KIAA0319L: variants seen among roughly 807,000 people sequenced by gnomAD.
The protein encoded by KIAA0319L is dyslexia-associated protein KIAA0319-like protein.
In KIAA0319L, 55 loss-of-function variants were observed where a neutral mutation model predicts 120.1. The ratio of observed to expected loss-of-function variants is 0.46; its 90% CI spans 0.37 to 0.57. The LOEUF (loss-of-function observed/expected upper bound fraction) is 0.57, where lower values mean the gene tolerates loss of function less well. Ranked by LOEUF, KIAA0319L falls within the 20% of genes least tolerant of loss-of-function variation. The pLI is 0.00. For missense variants in KIAA0319L, 1,049 were observed against 1,255.3 expected, an observed-to-expected ratio of 0.84 and a Z score of 2.48; for synonymous variants, 398 against 471.9, an observed-to-expected ratio of 0.84 and a Z score of 2.03.
Position 35,453,424 on chromosome 1 carries a change from T to C in KIAA0319L, c.1913+133A>G. On this transcript the variant is annotated intron_variant, in intron 12 of 20. Transcript: ENST00000325722. This position sits in a 1 kb window ranked among gnomAD's most constrained non-coding sequence, Gnocchi z 4.1. ...TTTTCTTGGAGTTGAAGTTTGGAATTGCAAACATTTCTTCCTCAGTCACCC... is the reference window on the plus strand; with the variant it reads ...TTTTCTTGGAGTTGAAGTTTGGAATCGCAAACATTTCTTCCTCAGTCACCC... 2.7e-6 allele frequency: 2 copies of C among 741,878 alleles called. No homozygotes were observed. Among genetic ancestry groups the C allele is most frequent in the Non-Finnish European group, 4.4e-6 (2 of 454,110 alleles). The allele number at this position is 741,878 out of a possible 1,614,324, so 46.0% of individuals were successfully genotyped here. A position where few individuals can be genotyped will look rare whatever the true frequency, so the allele number is the denominator to read the frequency against.
At chr1:35,537,280 T>C (rs1327984186) in intron 2 of KIAA0319L, among the ~76,000 whole-genome samples, 1 of 152,132 alleles carries the variant, frequency 6.6e-6, no homozygotes, top group African/African-American at 2.4e-5. Context: ...GCTGATAAAT[T>C]ATTTGCATTC....
rs763109883 is a variant in KIAA0319L, at chr1:35,453,929, T to C, written c.1781-240A>G. ...TGAAGTTATAATGCCATACTAAACT[T>C]GAACTCTAATGCTAAGGGAGTTCAA... On this transcript the variant is annotated intron_variant, in intron 11 of 20. Coordinates refer to ENST00000325722, the MANE Select transcript of KIAA0319L (RefSeq NM_024874.5). This position sits in a 1 kb window ranked among gnomAD's most constrained non-coding sequence, Gnocchi z 4.1. 6.6e-6 allele frequency among the ~76,000 whole-genome samples: 1 copy of C among 152,200 alleles called. No individual in the cohort carries two copies. Among genetic ancestry groups the C allele is most frequent in the Non-Finnish European group, 1.5e-5 (1 of 68,038 alleles).
chr1:35,470,795 T>A (rs571413082), intron 6 of KIAA0319L, 68 bp downstream of exon 6: 1 of 944,810 alleles, frequency 1.1e-6, no homozygotes. Flanking sequence ...GAAAATTATA[T>A]GATATTCATT....
At chr1:35,462,736 A>C (rs762144398) in intron 7 of KIAA0319L, 23 bp from the exon 8 acceptor site, 3 of 1,578,074 alleles carry the variant, frequency 1.9e-6, no homozygotes, top group South Asian at 2.2e-5. Flanking sequence ...GACCCAAAAG[A>C]AATTGGGAAA....
At chr1:35,498,965 G>A (rs1483147345) in intron 3 of KIAA0319L, among the ~76,000 whole-genome samples, 1 of 152,204 alleles carries the variant, frequency 6.6e-6, no homozygotes, top group Non-Finnish European at 1.5e-5. Flanking sequence ...CATTAGTGGG[G>A]TCTAATGACA....
chr1:35,545,712 T>C (rs1031906878), intron 2 of KIAA0319L, among the ~76,000 whole-genome samples: 1 of 152,040 alleles, frequency 6.6e-6, no homozygotes, highest in Admixed American at 6.6e-5. Context: ...CTGGCCAACA[T>C]GGTGAAACCC....
At chr1:35,467,323 CCCT>C (rs1227202618) in intron 6 of KIAA0319L, among the ~76,000 whole-genome samples, 1 of 151,754 alleles carries the variant, frequency 6.6e-6, no homozygotes, top group Non-Finnish European at 1.5e-5. Flanking sequence ...GAATATTTTT[CCCT>C]CCTGATTTTT....
At chr1:35,543,388 G>T (rs1646864554) in intron 2 of KIAA0319L, among the ~76,000 whole-genome samples, 1 of 152,158 alleles carries the variant, frequency 6.6e-6, no homozygotes, top group Non-Finnish European at 1.5e-5. Context: ...AATTTGGCAG[G>T]AGAAAGTTCC....
At chr1:35,459,407 C>T (rs1185692120) in intron 9 of KIAA0319L, among the ~76,000 whole-genome samples, 1 of 151,914 alleles carries the variant, frequency 6.6e-6, no homozygotes, top group Non-Finnish European at 1.5e-5. Context: ...GAGATCAAGA[C>T]CATCCTGGCT....
chr1:35,530,888 C>T (rs1166030050), intron 2 of KIAA0319L, among the ~76,000 whole-genome samples: 1 of 152,224 alleles, frequency 6.6e-6, no homozygotes. Context: ...GTGATTTTCT[C>T]AGTGGCTTAG....
intron 7 of KIAA0319L, among the ~76,000 whole-genome samples, chr1:35,465,211 C>T (rs929844331): frequency 6.6e-6 from 1 of 152,224 alleles, no homozygotes; most frequent in Non-Finnish European, 1.5e-5. Context: ...GGAAAAGCCG[C>T]AGACACTCAA....
At chr1:35,443,620 C>T (rs1414573947) in intron 17 of KIAA0319L, among the ~76,000 whole-genome samples, 4 of 152,016 alleles carry the variant, frequency 2.6e-5, no homozygotes, top group African/African-American at 9.7e-5. Flanking sequence ...TTGCAGTGAG[C>T]TGAGATTACA....
chr1:35,479,287 G>C, intron 3 of KIAA0319L, 75 bp from the exon 4 acceptor site: 1 of 1,231,692 alleles, frequency 8.1e-7, no homozygotes, highest in Admixed American at 2.1e-5. Context: ...TGAAACAATA[G>C]TCTATTAAAT....
Position 35,492,718 on chromosome 1 carries a change from C to T in KIAA0319L, c.667-13506G>A, listed in dbSNP as rs79215977. On this transcript the variant is annotated intron_variant, in intron 3 of 20. Transcript: ENST00000325722. ...AATTATTCCTGATAAAAACTCACAT[C>T]AAACTAGGAATAGAAAAATTCCCTA... Among the ~76,000 whole-genome samples, 436 of 152,132 alleles carry T rather than the reference C, an allele frequency of 2.9e-3. 2 individuals are homozygous for T. Among genetic ancestry groups the T allele is most frequent in the African/African-American group, 9.7e-3 (402 of 41,516 alleles).
At chr1:35,495,920 A>C (rs888353052) in intron 3 of KIAA0319L, among the ~76,000 whole-genome samples, 1 of 152,070 alleles carries the variant, frequency 6.6e-6, no homozygotes, top group Non-Finnish European at 1.5e-5. Flanking sequence ...ATTCAACATC[A>C]TTAGTCATTA....
intron 2 of KIAA0319L, among the ~76,000 whole-genome samples, chr1:35,545,240 C>A (rs1264526117): frequency 6.6e-6 from 1 of 152,120 alleles, no homozygotes; most frequent in African/African-American, 2.4e-5. Context: ...GAGGAGCATG[C>A]TGGAACTCTG....
At chr1:35,448,150 C>T (rs1219980087) in intron 16 of KIAA0319L, 23 bp downstream of exon 16, 2 of 1,558,176 alleles carry the variant, frequency 1.3e-6, no homozygotes, top group African/African-American at 2.7e-5. Flanking sequence ...TTCCTTTGCT[C>T]CCCCCATTCA....
chr1:35,539,240 A>G (rs1646701978), intron 2 of KIAA0319L, among the ~76,000 whole-genome samples: 1 of 152,190 alleles, frequency 6.6e-6, no homozygotes, highest in Non-Finnish European at 1.5e-5. Context: ...AAACAGCTCA[A>G]TCAAAACAGC....
intron 2 of KIAA0319L, among the ~76,000 whole-genome samples, chr1:35,537,583 T>G (rs1157538598): frequency 7.0e-6 from 1 of 141,886 alleles, no homozygotes; most frequent in Non-Finnish European, 1.5e-5. Flanking sequence ...CCATTGAAAC[T>G]CTCTCTTTTT....
Sources: allele counts gnomAD v4.1 joint callset (sites outside exome capture counted in the v4.1 genomes callset), GRCh38; gene constraint gnomAD v4.1.1; non-coding constraint Gnocchi (gnomAD v3.1); transcripts MANE v1.5; gene names NCBI Gene and HGNC (gene_info 2026-07-23, HGNC 2026-07-21).